The following BAZ1A variants were observed in gnomAD, a reference collection of about 807,000 sequenced individuals.
BAZ1A encodes bromodomain adjacent to zinc finger domain protein 1A.
In BAZ1A, 50 loss-of-function variants were observed where a neutral mutation model predicts 185.2. That is an observed-to-expected ratio of 0.27 (90% CI 0.22 to 0.34). The LOEUF (loss-of-function observed/expected upper bound fraction) is 0.34, where lower values mean the gene tolerates loss of function less well. BAZ1A is among the 10% of genes least tolerant of loss of function. The pLI, the probability that BAZ1A is intolerant of heterozygous loss-of-function variation, is 1.00. For missense variants in BAZ1A, 1,356 were observed against 1,839.9 expected, an observed-to-expected ratio of 0.74 and a Z score of 4.81; for synonymous variants, 571 against 615.6, an observed-to-expected ratio of 0.93 and a Z score of 1.07.
rs186676249 is a variant in BAZ1A, at chr14:34,837,955, T to G, written c.393-11799A>C. On this transcript the variant is annotated intron_variant, in intron 3 of 26. Coordinates refer to ENST00000360310, the MANE Select transcript of BAZ1A (RefSeq NM_013448.3). ...CAACATAGTAACAGTATTTTCAAAC[T>G]AACCGGCCTCAATGTGAAAAATGCA... is the stretch of plus-strand genomic sequence containing the variant. Among the ~76,000 whole-genome samples, 21 of 152,350 alleles carry G rather than the reference T, an allele frequency of 1.4e-4. No homozygotes were observed. The East Asian group carries it at 3.9e-3, about 28-fold the overall frequency.
Position 34,834,121 on chromosome 14 carries a change from CT to C in BAZ1A, c.393-7966del, listed in dbSNP as rs373696815. Among the ~76,000 whole-genome samples, 32 of 152,246 alleles carry C rather than the reference CT, an allele frequency of 2.1e-4. 1 individual carries two copies. Among genetic ancestry groups the C allele is most frequent in the African/African-American group, 7.0e-4 (29 of 41,544 alleles). The stretch of plus-strand genomic sequence containing the variant: ...AGGCTCTGTACTTTAGTAACATGAG[CT>C]GTAAAAAATATGAAAGAAATCAAAT... On this transcript the variant is annotated intron_variant, in intron 3 of 26. Coordinates refer to ENST00000360310, the MANE Select transcript of BAZ1A (RefSeq NM_013448.3).
chr14:34,806,245 T>G (rs1881850539), intron 6 of BAZ1A, among the ~76,000 whole-genome samples: 1 of 152,170 alleles, frequency 6.6e-6, no homozygotes, highest in Non-Finnish European at 1.5e-5. Flanking sequence ...ATCTAACACA[T>G]GCAGGAGCTG....
intron 4 of BAZ1A, among the ~76,000 whole-genome samples, chr14:34,821,334 G>A (rs184409456): frequency 2.6e-5 from 4 of 152,260 alleles, no homozygotes; most frequent in African/African-American, 9.6e-5. Context: ...TTATGTGAGT[G>A]TTGTTATAAG....
In BAZ1A at chr14:34,874,493, C is replaced by G. The variant is rs540683750; in HGVS notation, c.112G>C (p.Asp38His). Residue 38 changes from aspartate to histidine, a missense_variant and splice_region_variant, in exon 2 of 27, where the codon GAT (aspartate) becomes CAT (histidine). Physicochemically the swap from Asp to His is moderately conservative, Grantham distance 81. Around this residue, in one of 7 missense-constraint regions of BAZ1A, gnomAD observed 332 missense variants for 395.3 expected, o/e 0.84. Coordinates refer to ENST00000360310, the MANE Select transcript of BAZ1A (RefSeq NM_013448.3). The surrounding 1 kb of genome is among the most constrained non-coding windows in gnomAD (Gnocchi z 4.7). ...CCCCGCACACGGCCCGGCTCTTACTCGTAGTGGCGGAAGATCTCGTTGGTG... is the reference window on the plus strand; with the variant it reads ...CCCCGCACACGGCCCGGCTCTTACTGGTAGTGGCGGAAGATCTCGTTGGTG... ...KVTNEIFRHY[D>H]DFFERTILCN... The G allele has an allele frequency of 1.9e-6, 3 of 1,612,144 alleles. No homozygotes were observed. Among genetic ancestry groups the G allele is most frequent in the Admixed American group, 3.3e-5 (2 of 59,974 alleles).
At chr14:34,873,430 T>TG (rs2138851589) in intron 2 of BAZ1A, among the ~76,000 whole-genome samples, 1 of 152,270 alleles carries the variant, frequency 6.6e-6, no homozygotes, top group Non-Finnish European at 1.5e-5. Context: ...CACACCCCCT[T>TG]GCTCCGTGTC....
Position 34,793,431 on chromosome 14 carries a change from A to G in BAZ1A, c.1364-510T>C, listed in dbSNP as rs943964235. 3.9e-5 allele frequency among the ~76,000 whole-genome samples: 6 copies of G among 152,246 alleles called. No individual in the cohort carries two copies. In the East Asian group the frequency reaches 1.2e-3, roughly 29 times the overall value. On this transcript the variant is annotated intron_variant, in intron 11 of 26. Coordinates refer to ENST00000360310, the MANE Select transcript of BAZ1A (RefSeq NM_013448.3). The stretch of plus-strand genomic sequence containing the variant: ...TAGACCTCCTTGATCTATAAGACAC[A>G]ATGATTCTTGCTTCATCCACCTCAT...
chr14:34,865,056 G>A (rs1166065988), intron 2 of BAZ1A, among the ~76,000 whole-genome samples: 5 of 152,030 alleles, frequency 3.3e-5, no homozygotes, highest in Non-Finnish European at 7.4e-5. Flanking sequence ...AATTACAGGC[G>A]TGAGCCACCA....
At chr14:34,846,953 TA>T (rs1229979309) in intron 3 of BAZ1A, among the ~76,000 whole-genome samples, 1 of 152,050 alleles carries the variant, frequency 6.6e-6, no homozygotes, top group Non-Finnish European at 1.5e-5. Flanking sequence ...TTTAAGAAAT[TA>T]AAAATTGTAT....
intron 16 of BAZ1A, among the ~76,000 whole-genome samples, chr14:34,781,284 C>A (rs1880020989): frequency 6.6e-6 from 1 of 152,112 alleles, no homozygotes; most frequent in African/African-American, 2.4e-5. Context: ...ATAACAATCA[C>A]CATTTTAAAG....
At chr14:34,760,996 A>G (rs1417372992) in intron 24 of BAZ1A, among the ~76,000 whole-genome samples, 2 of 152,022 alleles carry the variant, frequency 1.3e-5, no homozygotes, top group African/African-American at 4.8e-5. Context: ...AAGACAACTG[A>G]GGCCAGGCGC....
intron 14 of BAZ1A, among the ~76,000 whole-genome samples, chr14:34,784,367 C>CAAAAAA (rs368815964): frequency 6.5e-5 from 5 of 77,178 alleles, no homozygotes; most frequent in African/African-American, 2.4e-4. Flanking sequence ...GACTCTGTCT[C>CAAAAAA]AAAAAAAAAA....
At chr14:34,795,546 G>T in intron 10 of BAZ1A, 124 bp downstream of exon 10, 1 of 581,204 alleles carries the variant, frequency 1.7e-6, no homozygotes, top group Non-Finnish European at 2.8e-6. Flanking sequence ...TGCTTAACTA[G>T]CTATTTCCTC....
chr14:34,758,760 C>A lies in BAZ1A; in HGVS notation c.4330G>T (p.Glu1444Ter). The change falls in exon 25 of 27, where the codon GAA becomes TAA. Residue 1444 changes from glutamate to a stop codon, truncating the protein, a stop_gained. Transcript: ENST00000360310. LOFTEE classifies it high-confidence loss of function. ...CAGCTGTCATCATGTCGTACCAATT[C>A]TACAACAAGTTGTTCAAAAGCAGAC... Reference protein sequence around the residue: ...ELSAFEQLVVELVRHDDSWPF... With the variant: ...ELSAFEQLVV 6.2e-7 allele frequency: 1 copy of A among 1,614,178 alleles called. No individual in the cohort carries two copies. Among genetic ancestry groups the A allele is most frequent in the South Asian group, 1.1e-5 (1 of 91,074 alleles).
chr14:34,870,013 G>A lies in BAZ1A; in HGVS notation c.113+4479C>T, dbSNP rs117947934. 1.2e-4 allele frequency among the ~76,000 whole-genome samples: 19 copies of A among 152,270 alleles called. No homozygotes were observed. In the East Asian group the frequency reaches 3.7e-3, roughly 29 times the overall value. The stretch of plus-strand genomic sequence containing the variant: ...GCCTCAGCCTAGCCTCCAGCTGACT[G>A]CAGCTAAGTGAGTGAGCCCAGAGGA... On this transcript the variant is annotated intron_variant, in intron 2 of 26. Transcript: ENST00000360310.
Position 34,776,327 on chromosome 14 carries a change from G to A in BAZ1A, c.2425C>T (p.Arg809Cys), listed in dbSNP as rs1313380596. Residue 809 changes from arginine to cysteine, a missense_variant, in exon 18 of 27, where the codon CGC (arginine) becomes TGC (cysteine). By Grantham distance (180) the Arg-to-Cys change is radical. Around this residue, in one of 7 missense-constraint regions of BAZ1A, gnomAD observed 434 missense variants for 561.7 expected, o/e 0.77. Coordinates refer to ENST00000360310, the MANE Select transcript of BAZ1A (RefSeq NM_013448.3). ...AAAATCCAGTATCGTCTATACATGCGGTCGCGACCCAAGGGAAAGATATTG... is the reference window on the plus strand; with the variant it reads ...AAAATCCAGTATCGTCTATACATGCAGTCGCGACCCAAGGGAAAGATATTG... ...CTNIFPLGRD[R>C]MYRRYWIFPS... The A allele has an allele frequency of 1.2e-6, 2 of 1,614,012 alleles. No individual in the cohort carries two copies. The highest frequency in any genetic ancestry group is 1.7e-6 in the Non-Finnish European group (2 of 1,180,008).
At chr14:34,780,564 CA>C (rs1311894742) in intron 16 of BAZ1A, among the ~76,000 whole-genome samples, 26 of 152,262 alleles carry the variant, frequency 1.7e-4, no homozygotes, top group Non-Finnish European at 3.1e-4. Context: ...TCTTAGGGAT[CA>C]AAAAGGCTGG....
At chr14:34,773,949 C>A (rs1157023972) in intron 19 of BAZ1A, among the ~76,000 whole-genome samples, 1 of 152,108 alleles carries the variant, frequency 6.6e-6, no homozygotes, top group African/African-American at 2.4e-5. Context: ...AAATCATAAA[C>A]AGTTCTAAGA....
At chr14:34,815,452 A>G (rs1239170852) in intron 4 of BAZ1A, among the ~76,000 whole-genome samples, 1 of 152,218 alleles carries the variant, frequency 6.6e-6, no homozygotes, top group African/African-American at 2.4e-5. Context: ...AGTTGAATTT[A>G]GTGATCTCAA....
In BAZ1A at chr14:34,795,784, T is replaced by C. The variant is rs1194065432; in HGVS notation, c.1129-19A>G. 1 of 1,569,914 alleles carries C rather than the reference T, an allele frequency of 6.4e-7. No individual in the cohort carries two copies. The highest frequency in any genetic ancestry group is 8.7e-7 in the Non-Finnish European group (1 of 1,146,132). Reference sequence around the variant, plus strand: ...CTCTTTCCTAGAAATTTTTAAAAGTTAATAACAATTCATGTAAGAAATTTA... The same window carrying C: ...CTCTTTCCTAGAAATTTTTAAAAGTCAATAACAATTCATGTAAGAAATTTA... On this transcript the variant is annotated intron_variant, in intron 9 of 26. Coordinates refer to ENST00000360310, the MANE Select transcript of BAZ1A (RefSeq NM_013448.3).
Sources: gnomAD v4.1 joint callset for allele counts (sites outside exome capture counted in the v4.1 genomes callset) on GRCh38, gnomAD v4.1.1 for gene constraint, gnomAD v4.1.1 regional missense constraint, Gnocchi (gnomAD v3.1) non-coding constraint, MANE v1.5 for transcripts, NCBI Gene and HGNC (gene_info 2026-07-23, HGNC 2026-07-21) for gene names.